CLASP2: variants seen among roughly 807,000 people sequenced by gnomAD.
CLASP2 encodes the protein CLIP-associating protein 2.
CLASP2 carries 47 observed loss-of-function variants against 194.4 expected under a neutral mutation model. That is an observed-to-expected ratio of 0.24 (90% CI 0.19 to 0.31). The LOEUF is 0.31. Among genes scored for constraint, CLASP2 ranks in the 10% least tolerant of loss-of-function variants. The pLI is 1.00. For missense variants in CLASP2, 1,445 were observed against 1,823.6 expected, an observed-to-expected ratio of 0.79 and a Z score of 3.78; for synonymous variants, 619 against 633.5, an observed-to-expected ratio of 0.98 and a Z score of 0.34.
At chr3:33,682,629 A>G (rs777966173) in intron 6 of CLASP2, among the ~76,000 whole-genome samples, 4 of 152,236 alleles carry the variant, frequency 2.6e-5, no homozygotes, top group Non-Finnish European at 5.9e-5. Context: ...GAGAAGCAGT[A>G]AAGAAAAAAA....
chr3:33,580,557 C>T (rs1560134176), intron 23 of CLASP2, among the ~76,000 whole-genome samples: 1 of 151,754 alleles, frequency 6.6e-6, no homozygotes, highest in Admixed American at 6.6e-5. Flanking sequence ...AGTGAGACTC[C>T]ACCTCAAAAC....
In CLASP2 at chr3:33,576,158, G is replaced by C; in HGVS notation, c.2454+11C>G. 6.2e-7 allele frequency: 1 copy of C among 1,600,884 alleles called. No homozygotes were observed. The highest frequency in any genetic ancestry group is 8.6e-7 in the Non-Finnish European group (1 of 1,168,294). On this transcript the variant is annotated intron_variant, in intron 24 of 38. Transcript: ENST00000682230. ...GAACATTTATAATGATAAGAAAATG[G>C]AGAAGAGTACCAAGGCATCTGCCAC...
chr3:33,656,784 G>A (rs1215360413), intron 7 of CLASP2, among the ~76,000 whole-genome samples: 1 of 147,180 alleles, frequency 6.8e-6, no homozygotes. Flanking sequence ...CTATGCAACC[G>A]TTTTAAAAAA....
intron 34 of CLASP2, among the ~76,000 whole-genome samples, chr3:33,525,905 C>T (rs969243996): frequency 2.6e-5 from 4 of 152,200 alleles, no homozygotes; most frequent in Non-Finnish European, 5.9e-5. Flanking sequence ...CGGCACTGCA[C>T]CTCCCTAAGA....
At chr3:33,601,112 C>T (rs1334368768) in intron 18 of CLASP2, among the ~76,000 whole-genome samples, 1 of 152,066 alleles carries the variant, frequency 6.6e-6, no homozygotes, top group Non-Finnish European at 1.5e-5. Context: ...GCGCTCGCCA[C>T]CACGCCCGGC....
chr3:33,551,543 T>C, intron 29 of CLASP2, 148 bp from the exon 30 acceptor site: 1 of 724,008 alleles, frequency 1.4e-6, no homozygotes, highest in Non-Finnish European at 2.2e-6. Flanking sequence ...GGTCTTGCGC[T>C]CCTGGCCTCA....
At chr3:33,663,119 A>G (rs1431548575) in intron 7 of CLASP2, among the ~76,000 whole-genome samples, 1 of 150,968 alleles carries the variant, frequency 6.6e-6, no homozygotes, top group Non-Finnish European at 1.5e-5. Context: ...ATAAAAACAC[A>G]TTGTATGCAT....
At chr3:33,610,974 C>T (rs1249958477) in intron 13 of CLASP2, among the ~76,000 whole-genome samples, 4 of 152,126 alleles carry the variant, frequency 2.6e-5, no homozygotes, top group African/African-American at 9.7e-5. Context: ...TCTTGTTTTT[C>T]CTGTCTTTAT....
At chr3:33,606,791 T>C (rs1395706742) in intron 15 of CLASP2, 33 bp from the exon 16 acceptor site, 6 of 1,476,346 alleles carry the variant, frequency 4.1e-6, no homozygotes, top group Middle Eastern at 1.8e-4. Flanking sequence ...GATGAAGTAA[T>C]AGCTTTACAT....
intron 8 of CLASP2, among the ~76,000 whole-genome samples, chr3:33,632,640 T>C (rs1167355283): frequency 2.6e-5 from 4 of 152,180 alleles, no homozygotes; most frequent in African/African-American, 9.7e-5. Context: ...CCCTATTCAA[T>C]GCACTAGCAA....
chr3:33,554,134 A>G (rs967141320), intron 29 of CLASP2, among the ~76,000 whole-genome samples: 2 of 151,528 alleles, frequency 1.3e-5, no homozygotes, highest in Non-Finnish European at 2.9e-5. Context: ...AGGCTGAAGC[A>G]GGAGAATCGC....
chr3:33,538,164 G>A (rs1258866154), intron 33 of CLASP2, among the ~76,000 whole-genome samples: 1 of 151,324 alleles, frequency 6.6e-6, no homozygotes, highest in African/African-American at 2.4e-5. Flanking sequence ...GACTCAATGT[G>A]ATCTGGCCCA....
chr3:33,534,472 T>A (rs1248997853), intron 34 of CLASP2, among the ~76,000 whole-genome samples: 1 of 152,028 alleles, frequency 6.6e-6, no homozygotes, highest in Non-Finnish European at 1.5e-5. Flanking sequence ...GAGGCTGAGG[T>A]GGGAGGATCG....
intron 1 of CLASP2, among the ~76,000 whole-genome samples, chr3:33,716,084 T>A (rs566159360): frequency 6.6e-6 from 1 of 151,926 alleles, no homozygotes; most frequent in Non-Finnish European, 1.5e-5. Context: ...GTGGAGGGAA[T>A]TGCATAAATG....
intron 11 of CLASP2, 66 bp from the exon 12 acceptor site, chr3:33,619,804 T>C: frequency 8.0e-7 from 1 of 1,257,324 alleles, no homozygotes; most frequent in Non-Finnish European, 1.1e-6. Context: ...ACCATATAAT[T>C]TTAAAATACT....
chr3:33,615,029 C>T (rs993794149), intron 12 of CLASP2, among the ~76,000 whole-genome samples: 12 of 151,820 alleles, frequency 7.9e-5, no homozygotes, highest in African/African-American at 2.4e-4. Flanking sequence ...TGAAGTTCAA[C>T]GGTCAAATTT....
intron 27 of CLASP2, among the ~76,000 whole-genome samples, chr3:33,563,091 TCTA>T (rs1458240452): frequency 2.0e-5 from 3 of 152,188 alleles, no homozygotes; most frequent in Non-Finnish European, 4.4e-5. Context: ...CATGGTCTCC[TCTA>T]CTATCTTTAC....
chr3:33,551,738 T>G (rs2060035878), intron 29 of CLASP2, among the ~76,000 whole-genome samples: 1 of 152,146 alleles, frequency 6.6e-6, no homozygotes, highest in South Asian at 2.1e-4. Context: ...TTCCCCAAGT[T>G]TGAACAACTG....
chr3:33,567,395 G>C (rs1242717583), intron 26 of CLASP2, among the ~76,000 whole-genome samples: 3 of 152,166 alleles, frequency 2.0e-5, no homozygotes, highest in Non-Finnish European at 4.4e-5. Context: ...TACCGTAGTT[G>C]TCCAAGACTC....
Sources: allele counts gnomAD v4.1 joint callset (sites outside exome capture counted in the v4.1 genomes callset), GRCh38; gene constraint gnomAD v4.1.1; transcripts MANE v1.5; gene names NCBI Gene and HGNC (gene_info 2026-07-23, HGNC 2026-07-21).